The following SKAP1 variants were observed in gnomAD, a reference collection of about 807,000 sequenced individuals.
The protein encoded by SKAP1 is src kinase-associated phosphoprotein 1.
Under a neutral mutation model 58.5 loss-of-function variants are expected in SKAP1, and 44 were observed. The ratio of observed to expected loss-of-function variants is 0.75; its 90% CI spans 0.59 to 0.97. The LOEUF (loss-of-function observed/expected upper bound fraction) is 0.97. Among genes scored for constraint, SKAP1 ranks in the 50% least tolerant of loss-of-function variants. The pLI is 0.00. For synonymous variants in SKAP1, 127 were observed against 149.7 expected (o/e 0.85, Z 1.11); for missense variants, 390 against 435.2 (o/e 0.90, Z 0.92).
At chr17:48,411,813 C>T (rs2067669411) in intron 1 of SKAP1, among the ~76,000 whole-genome samples, 1 of 152,120 alleles carries the variant, frequency 6.6e-6, no homozygotes, top group Non-Finnish European at 1.5e-5. Flanking sequence ...TATACCTCAC[C>T]AGTACTCCTC....
chr17:48,396,171 C>T (rs1356742729), intron 2 of SKAP1, among the ~76,000 whole-genome samples: 1 of 152,142 alleles, frequency 6.6e-6, no homozygotes, highest in Non-Finnish European at 1.5e-5. Context: ...ACATCAGGGC[C>T]TCTTATTTTT....
At chr17:48,288,455 G>A (rs192601301) in intron 4 of SKAP1, among the ~76,000 whole-genome samples, 104 of 152,318 alleles carry the variant, frequency 6.8e-4, no homozygotes, top group Non-Finnish European at 1.1e-3. Context: ...GGAGGCCAAC[G>A]TGGGTGGATC....
At chr17:48,301,049 A>T (rs2066050029) in intron 4 of SKAP1, among the ~76,000 whole-genome samples, 2 of 152,058 alleles carry the variant, frequency 1.3e-5, no homozygotes, top group Non-Finnish European at 1.5e-5. Context: ...GTTCTTTCTC[A>T]TATGCTGGAA....
chr17:48,318,242 TCTA>T (rs2066314831), intron 4 of SKAP1, among the ~76,000 whole-genome samples: 1 of 152,192 alleles, frequency 6.6e-6, no homozygotes, highest in South Asian at 2.1e-4. Context: ...AGAGAAAAGC[TCTA>T]CTCTCACCAA....
the SKAP1 span, among the ~76,000 whole-genome samples, chr17:48,444,062 C>T: frequency 3.3e-5 from 5 of 152,212 alleles, no homozygotes; most frequent in East Asian, 3.9e-4. Flanking sequence ...AAAACTTCAA[C>T]GGTATTTTCT....
chr17:48,405,397 C>G (rs1567901971), intron 1 of SKAP1, among the ~76,000 whole-genome samples: 1 of 41,464 alleles, frequency 2.4e-5, no homozygotes, highest in Non-Finnish European at 4.6e-5. Context: ...TCTTTCCTTT[C>G]TTTCTTTCTT....
intron 1 of SKAP1, among the ~76,000 whole-genome samples, chr17:48,413,730 C>G (rs1375240172): frequency 6.6e-6 from 1 of 151,602 alleles, no homozygotes; most frequent in African/African-American, 2.4e-5. Flanking sequence ...AGTGATCAAC[C>G]TTTTACAAAC....
At chr17:48,170,574 C>A (rs1567803672) in intron 10 of SKAP1, 35 bp downstream of exon 10, 1 of 1,584,222 alleles carries the variant, frequency 6.3e-7, no homozygotes. Flanking sequence ...CCATAATGTC[C>A]TACCCAGTGC....
the SKAP1 span, among the ~76,000 whole-genome samples, chr17:48,442,155 A>C: frequency 6.6e-6 from 1 of 152,162 alleles, no homozygotes; most frequent in African/African-American, 2.4e-5. Flanking sequence ...CAAGTTGTTA[A>C]TACTCCAGTA....
At chr17:48,414,204 T>C (rs968373195) in intron 1 of SKAP1, among the ~76,000 whole-genome samples, 9 of 152,082 alleles carry the variant, frequency 5.9e-5, no homozygotes, top group African/African-American at 1.9e-4. Context: ...TACAGGCCCA[T>C]AGTAGAGGCA....
intron 4 of SKAP1, among the ~76,000 whole-genome samples, chr17:48,273,422 GT>G (rs61407419): frequency 0.54 from 79,004 of 145,656 alleles, 21,067 homozygotes; most frequent in East Asian, 0.76. Context: ...TTTTATCACT[GT>G]TTTTTTTTTT....
At chr17:48,146,045 T>C (rs1415323566) in intron 11 of SKAP1, among the ~76,000 whole-genome samples, 2 of 152,092 alleles carry the variant, frequency 1.3e-5, no homozygotes, top group African/African-American at 4.8e-5. Flanking sequence ...AGAACTTTCA[T>C]CAGATTCTCA....
At chr17:48,179,555 G>A (rs1309826243) in intron 9 of SKAP1, among the ~76,000 whole-genome samples, 1 of 152,156 alleles carries the variant, frequency 6.6e-6, no homozygotes. Flanking sequence ...ATCTGAACTA[G>A]GTAATAATGA....
At chr17:48,434,847 C>T (rs2067932579), upstream of SKAP1, among the ~76,000 whole-genome samples, 1 of 152,118 alleles carries the variant, frequency 6.6e-6, no homozygotes, top group African/African-American at 2.4e-5. Context: ...GGCCCTCCTC[C>T]ATCTAAATAG....
At chr17:48,166,546 G>A (rs1025234493) in intron 10 of SKAP1, among the ~76,000 whole-genome samples, 2 of 152,178 alleles carry the variant, frequency 1.3e-5, no homozygotes, top group African/African-American at 4.8e-5. Flanking sequence ...CTTATGTTTG[G>A]GAGTCACTGG....
chr17:48,395,837 G>A (rs748493069), intron 2 of SKAP1, among the ~76,000 whole-genome samples: 3 of 152,144 alleles, frequency 2.0e-5, no homozygotes, highest in Non-Finnish European at 2.9e-5. Context: ...GTGCCCTTCC[G>A]AAGGATAAAA....
At chr17:48,245,290 T>C (rs1567836201) in intron 4 of SKAP1, among the ~76,000 whole-genome samples, 1 of 152,206 alleles carries the variant, frequency 6.6e-6, no homozygotes, top group Admixed American at 6.5e-5. Context: ...CAATCTGATT[T>C]TTTTTTCTTT....
chr17:48,145,619 G>A (rs528379616), intron 11 of SKAP1, among the ~76,000 whole-genome samples: 10 of 152,214 alleles, frequency 6.6e-5, no homozygotes, highest in Non-Finnish European at 1.3e-4. Flanking sequence ...CCTGTGTGGT[G>A]CTGCAAATAC....
intron 4 of SKAP1, among the ~76,000 whole-genome samples, chr17:48,323,147 AC>A (rs2066391299): frequency 6.6e-6 from 1 of 151,850 alleles, no homozygotes; most frequent in African/African-American, 2.4e-5. Flanking sequence ...ACGCTGGTAG[AC>A]AATTAGCAGA....
Sources: gnomAD v4.1 joint callset for allele counts (sites outside exome capture counted in the v4.1 genomes callset) on GRCh38, gnomAD v4.1.1 for gene constraint, MANE v1.5 for transcripts, NCBI Gene and HGNC (gene_info 2026-07-23, HGNC 2026-07-21) for gene names.